The following UGT1A10 variants were observed in gnomAD, a reference collection of about 807,000 sequenced individuals.
UGT1A10 encodes the protein UDP-glucuronosyltransferase 1A10.
A neutral mutation model predicts 45.8 loss-of-function variants in UGT1A10; 49 were observed. The observed-to-expected ratio is 1.07, with a 90% CI of 0.85 to 1.36. The LOEUF is 1.36. Among genes scored for constraint, UGT1A10 ranks in the 40% most tolerant of loss-of-function variants. The pLI is 0.00. For synonymous variants in UGT1A10, 284 were observed against 249.7 expected, an observed-to-expected ratio of 1.14 and a Z score of -1.29; for missense variants, 745 against 668.6, an observed-to-expected ratio of 1.11 and a Z score of -1.26.
intron 1 of UGT1A10, among the ~76,000 whole-genome samples, chr2:233,728,574 G>A (rs45507691): frequency 0.037 from 5,630 of 152,284 alleles, 132 homozygotes; most frequent in Non-Finnish European, 0.057. Flanking sequence ...ATCCTGGTGC[G>A]AAAAACGACC....
chr2:233,762,094 T>A (rs1389988044), intron 1 of UGT1A10, among the ~76,000 whole-genome samples: 1 of 152,214 alleles, frequency 6.6e-6, no homozygotes, highest in African/African-American at 2.4e-5. Context: ...CTTAGATAGT[T>A]GTTGATTGTC....
At chr2:233,757,637 C>G (rs375047032) in intron 1 of UGT1A10, among the ~76,000 whole-genome samples, 3 of 148,590 alleles carry the variant, frequency 2.0e-5, no homozygotes, top group Non-Finnish European at 4.5e-5. Context: ...CAGAACAGAA[C>G]AAAATGCTGT....
chr2:233,675,307 T>C lies in UGT1A10; in HGVS notation c.855+37930T>C, dbSNP rs574225791. ...TTTTACATTCCAGCGTTCTAATGTG[T>C]GTGTGTTGATTAATGATGTGTAAAT... On this transcript the variant is annotated intron_variant, in intron 1 of 4. Transcript: ENST00000344644. Among the ~76,000 whole-genome samples, 5 of 152,292 alleles carry C rather than the reference T, an allele frequency of 3.3e-5. No individual in the cohort carries two copies. The South Asian group carries it at 1.0e-3, about 32-fold the overall frequency.
At chr2:233,691,384 C>A in intron 1 of UGT1A10, 1 of 985,574 alleles carries the variant, frequency 1.0e-6, no homozygotes, top group Non-Finnish European at 1.2e-6. Flanking sequence ...TTATGTTCCC[C>A]ATGGGGGCCA....
intron 1 of UGT1A10, among the ~76,000 whole-genome samples, chr2:233,689,045 CTCT>C (rs2074924736): frequency 6.6e-6 from 1 of 152,196 alleles, no homozygotes; most frequent in Admixed American, 6.5e-5. Context: ...TACTTTATGT[CTCT>C]TCTGTATAAT....
chr2:233,660,330 T>C (rs949912994), intron 1 of UGT1A10, among the ~76,000 whole-genome samples: 2 of 152,206 alleles, frequency 1.3e-5, no homozygotes, highest in African/African-American at 4.8e-5. Flanking sequence ...CTTGTTCTAA[T>C]GGCTGAATTA....
At chr2:233,724,012 T>G (rs1202631633) in intron 1 of UGT1A10, among the ~76,000 whole-genome samples, 1 of 75,726 alleles carries the variant, frequency 1.3e-5, no homozygotes, top group East Asian at 3.2e-4. Context: ...AAGCCGCCAT[T>G]GTCATCCTGG....
In UGT1A10 at chr2:233,677,905, A is replaced by G. The variant is rs151269635; in HGVS notation, c.855+40528A>G. On this transcript the variant is annotated intron_variant, in intron 1 of 4. Coordinates refer to ENST00000344644, the MANE Select transcript of UGT1A10 (RefSeq NM_019075.4). ...TGCAGCTCTATTCAGAATAGAAAAG[A>G]CATGAAATCAACCTAGGTGCCCGTC... 8.3e-3 allele frequency among the ~76,000 whole-genome samples: 1,260 copies of G among 151,052 alleles called. 1 individual carries two copies. Among genetic ancestry groups the G allele is most frequent in the Admixed American group, 0.013 (202 of 15,102 alleles).
In UGT1A10 at chr2:233,767,104, C is replaced by T. The variant is rs1699318263; in HGVS notation, c.926C>T (p.Ser309Leu). The part of the protein sequence containing the change: ...IVVFSLGSMV[S>L]EIPEKKAMAI... ...GTTTTCTCTTTGGGATCAATGGTCT[C>T]AGAAATTCCAGAGAAGAAAGCTATG... The change falls in exon 2 of 5, where the codon TCA becomes TTA. Residue 309 changes from serine to leucine, a missense_variant. Ser to Leu is a moderately radical substitution (Grantham distance 145). Coordinates refer to ENST00000344644, the MANE Select transcript of UGT1A10 (RefSeq NM_019075.4). 6.2e-7 allele frequency: 1 copy of T among 1,614,114 alleles called. No individual in the cohort carries two copies. The highest frequency in any genetic ancestry group is 8.5e-7 in the Non-Finnish European group (1 of 1,180,014).
At chr2:233,718,985 C>A (rs45571233) in intron 1 of UGT1A10, 1 of 1,614,224 alleles carries the variant, frequency 6.2e-7, no homozygotes, top group Non-Finnish European at 8.5e-7. Context: ...ATGCCAGAGG[C>A]CACCAGGCGG....
At chr2:233,727,258 C>T (rs899860562) in intron 1 of UGT1A10, among the ~76,000 whole-genome samples, 1 of 152,158 alleles carries the variant, frequency 6.6e-6, no homozygotes, top group African/African-American at 2.4e-5. Flanking sequence ...GCAGCCCAGA[C>T]CCCTCCTCAT....
chr2:233,724,330 CG>C (rs1206363001), intron 1 of UGT1A10, among the ~76,000 whole-genome samples: 3 of 121,984 alleles, frequency 2.5e-5, no homozygotes, highest in Non-Finnish European at 3.5e-5. Context: ...GCTGGCCAGG[CG>C]GGGGGCTGAC....
intron 1 of UGT1A10, among the ~76,000 whole-genome samples, chr2:233,748,243 C>G (rs570859275): frequency 6.6e-6 from 1 of 151,666 alleles, no homozygotes; most frequent in Non-Finnish European, 1.5e-5. Context: ...TCTCTAGTAG[C>G]GTATTTCAGG....
chr2:233,672,766 C>A, intron 1 of UGT1A10: 1 of 1,613,786 alleles, frequency 6.2e-7, no homozygotes, highest in Non-Finnish European at 8.5e-7. Flanking sequence ...TATCAACTGC[C>A]ATCAGGGAAA....
intron 1 of UGT1A10, among the ~76,000 whole-genome samples, chr2:233,644,007 C>A (rs2073532026): frequency 6.6e-6 from 1 of 152,118 alleles, no homozygotes; most frequent in Non-Finnish European, 1.5e-5. Context: ...AGCTGTGCAT[C>A]CTGGGATTAG....
At chr2:233,718,714 A>C in intron 1 of UGT1A10, 1 of 1,607,990 alleles carries the variant, frequency 6.2e-7, no homozygotes, top group Non-Finnish European at 8.5e-7. Flanking sequence ...TTCCAATTAC[A>C]TGCTGATTTG....
Position 233,636,552 on chromosome 2 carries a change from T to C in UGT1A10, c.30T>C (p.Val10=). Residue 10 remains valine (V), a synonymous_variant, in exon 1 of 5, where the codon GTT becomes GTC. Transcript: ENST00000344644. ...CTCGCGCAGGGTGGACCAGCCCCGTTCCTTTATGTGTGTGTCTACTGCTGA... is the reference window on the plus strand; with the variant it reads ...CTCGCGCAGGGTGGACCAGCCCCGTCCCTTTATGTGTGTGTCTACTGCTGA... MARAGWTSP[V]PLCVCLLLTC... is the part of the protein sequence containing the mutation. 6.2e-7 allele frequency: 1 copy of C among 1,614,116 alleles called. No homozygotes were observed. Among genetic ancestry groups the C allele is most frequent in the African/African-American group, 1.3e-5 (1 of 75,046 alleles).
chr2:233,675,448 G>A (rs1197196547), intron 1 of UGT1A10, among the ~76,000 whole-genome samples: 1 of 152,146 alleles, frequency 6.6e-6, no homozygotes, highest in Non-Finnish European at 1.5e-5. Context: ...AAAGAATTCA[G>A]GCTTTGTCTA....
At chr2:233,689,025 G>A (rs1000208485) in intron 1 of UGT1A10, among the ~76,000 whole-genome samples, 5 of 152,202 alleles carry the variant, frequency 3.3e-5, no homozygotes, top group African/African-American at 1.2e-4. Flanking sequence ...ACATGGCCAA[G>A]TGGAAATCCT....
Sources: gnomAD v4.1 joint callset for allele counts (sites outside exome capture counted in the v4.1 genomes callset) on GRCh38, gnomAD v4.1.1 for gene constraint, MANE v1.5 for transcripts, NCBI Gene and HGNC (gene_info 2026-07-23, HGNC 2026-07-21) for gene names.